ZPR1: variants seen among roughly 807,000 people sequenced by gnomAD.
ZPR1 encodes ZPR1 zinc finger, also known as zinc finger protein ZPR1.
In ZPR1, 37 loss-of-function variants were observed where a neutral mutation model predicts 59.6. The ratio of observed to expected loss-of-function variants is 0.62; its 90% CI spans 0.48 to 0.82. ZPR1 has a LOEUF of 0.82. Ranked by LOEUF, ZPR1 falls within the 40% of genes least tolerant of loss-of-function variation. ZPR1 has a pLI of 0.00. For missense variants in ZPR1, 527 were observed against 579.9 expected, an observed-to-expected ratio of 0.91 and a Z score of 0.94; for synonymous variants, 191 against 215.2, an observed-to-expected ratio of 0.89 and a Z score of 0.99.
chr11:116,779,109 C>A, intron 13 of ZPR1, 50 bp from the exon 14 acceptor site: 1 of 1,598,066 alleles, frequency 6.3e-7, no homozygotes, highest in African/African-American at 1.3e-5. Context: ...CTCCCCCTCT[C>A]TGCAGGCAGC....
chr11:116,783,525 G>C lies in ZPR1; in HGVS notation c.981+5C>G. 1 of 1,612,312 alleles carries C rather than the reference G, an allele frequency of 6.2e-7. No homozygotes were observed. Among genetic ancestry groups the C allele is most frequent in the Non-Finnish European group, 8.5e-7 (1 of 1,178,358 alleles). ...CAACAGTGACTTTCCCAAGCAGACT[G>C]TTACCTTGAGGAGGTCTCTGGTCAT... On this transcript the variant is annotated splice_donor_5th_base_variant and intron_variant, in intron 10 of 13. Transcript: ENST00000227322.
chr11:116,787,910 G>A lies in ZPR1; in HGVS notation c.81C>T (p.Ala27=). 2.6e-6 allele frequency: 4 copies of A among 1,519,388 alleles called. No homozygotes were observed. The highest frequency in any genetic ancestry group is 2.6e-5 in the East Asian group (1 of 38,410). The allele number at this position is 1,519,388 out of a possible 1,614,324, so 94.1% of individuals were successfully genotyped here. A position where few individuals can be genotyped will look rare whatever the true frequency, so the allele number is the denominator to read the frequency against. ...TGATGGGCCGGAACAGGTGATCAGGGGCAGGCGGCGGGGCCGGGGCGGGCG... is the reference window on the plus strand; with the variant it reads ...TGATGGGCCGGAACAGGTGATCAGGAGCAGGCGGCGGGGCCGGGGCGGGCG... ...APSPAPAPPP[A]PDHLFRPISA... is the part of the protein sequence containing the mutation. Residue 27 remains alanine (A), a synonymous_variant, in exon 1 of 14, where the codon GCC becomes GCT. Coordinates refer to ENST00000227322, the MANE Select transcript of ZPR1 (RefSeq NM_003904.5).
Position 116,778,914 on chromosome 11 carries a change from GCCACCCA to G in ZPR1, c.*4_*10del. ...AGCAGCGCTGGAGGCTGGCCCTTGA[GCCACCCA>G]CTGCTACCGTTGCGGAGCCAGGCCT... is the stretch of plus-strand genomic sequence containing the variant. On this transcript the variant is annotated 3_prime_UTR_variant, in exon 14 of 14. Coordinates refer to ENST00000227322, the MANE Select transcript of ZPR1 (RefSeq NM_003904.5). 6.2e-7 allele frequency: 1 copy of G among 1,613,108 alleles called. No homozygotes were observed. The highest frequency in any genetic ancestry group is 1.1e-5 in the South Asian group (1 of 91,034).
In ZPR1 at chr11:116,782,601, T is replaced by C. The variant is rs76252970; in HGVS notation, c.1092+318A>G. On this transcript the variant is annotated intron_variant, in intron 11 of 13. Transcript: ENST00000227322. ...TAAACATTTGGGCTAAGTCAACCCA[T>C]ACATGTATGTTTTTTATGTTGGGAA... 2.7e-4 allele frequency among the ~76,000 whole-genome samples: 41 copies of C among 152,336 alleles called. No homozygotes were observed. In the East Asian group the frequency reaches 7.3e-3, roughly 27 times the overall value.
intron 13 of ZPR1, 111 bp downstream of exon 13, chr11:116,779,661 T>C (rs1940774610): frequency 2.5e-6 from 2 of 791,004 alleles, no homozygotes; most frequent in African/African-American, 3.5e-5. Flanking sequence ...GCCTCCTTGG[T>C]AAAAAGCAGT....
intron 8 of ZPR1, 72 bp from the exon 9 acceptor site, chr11:116,784,520 C>T (rs1216132700): frequency 1.4e-6 from 2 of 1,399,374 alleles, no homozygotes; most frequent in Non-Finnish European, 2.0e-6. Context: ...CAAAGCCAAA[C>T]CCCACACAAA....
chr11:116,776,648 A>C lies in ZPR1; in HGVS notation c.*2277T>G, dbSNP rs1176693551. The C allele has an allele frequency of 2.6e-5, 4 of 152,242 alleles. No homozygotes were observed. Among genetic ancestry groups the C allele is most frequent in the African/African-American group, 9.6e-5 (4 of 41,462 alleles). 9.4% of individuals were successfully genotyped at this position (152,242 alleles called of 1,614,324 possible). A position where few individuals can be genotyped will look rare whatever the true frequency, so the allele number is the denominator to read the frequency against. ...CCTCAGTCTTCAAGTTCAGAAACTC[A>C]GGTCATCATTTCCTAGGAACTGGGT... On this transcript the variant is annotated 3_prime_UTR_variant, in exon 14 of 14. Coordinates refer to ENST00000227322, the MANE Select transcript of ZPR1 (RefSeq NM_003904.5).
intron 6 of ZPR1, 141 bp downstream of exon 6, chr11:116,785,373 G>T: frequency 1.5e-6 from 2 of 1,314,848 alleles, no homozygotes; most frequent in Non-Finnish European, 2.1e-6. Context: ...CCAAGTCCTG[G>T]ACATAAGCAA....
In ZPR1 at chr11:116,783,416, A is replaced by G. The variant is rs1188084144; in HGVS notation, c.981+114T>C. ...GCTCAGGGGTCCTCAAAGCCAGGGA[A>G]GTAGGAGATACCTCATGTCCCTGAA... On this transcript the variant is annotated intron_variant, in intron 10 of 13. Transcript: ENST00000227322. The G allele has an allele frequency of 4.6e-6, 4 of 876,044 alleles. No individual in the cohort carries two copies. In the African/African-American group the frequency reaches 6.6e-5, roughly 15 times the overall value. The allele number at this position is 876,044 out of a possible 1,614,324, so 54.3% of individuals were successfully genotyped here.
At chr11:116,787,681 GA>G (rs755719898) in intron 1 of ZPR1, 38 bp from the exon 2 acceptor site, 2 of 1,594,490 alleles carry the variant, frequency 1.3e-6, no homozygotes, top group African/African-American at 2.7e-5. Context: ...AAAAATCAAT[GA>G]AACTCCCTTT....
In ZPR1 at chr11:116,778,677, T is replaced by C; in HGVS notation, c.*248A>G. 1 of 463,772 alleles carries C rather than the reference T, an allele frequency of 2.2e-6. No individual in the cohort carries two copies. The highest frequency in any genetic ancestry group is 3.6e-5 in the South Asian group (1 of 27,418). 28.7% of individuals were successfully genotyped at this position (463,772 alleles called of 1,614,324 possible). A position where few individuals can be genotyped will look rare whatever the true frequency, so the allele number is the denominator to read the frequency against. On this transcript the variant is annotated 3_prime_UTR_variant, in exon 14 of 14. Coordinates refer to ENST00000227322, the MANE Select transcript of ZPR1 (RefSeq NM_003904.5). The stretch of plus-strand genomic sequence containing the variant: ...GAAAAAAGTGATGACATACCCCTGG[T>C]TCATTTCTGGGTTTCCTCCTAGGCC...
intron 11 of ZPR1, 37 bp from the exon 12 acceptor site, chr11:116,782,281 G>T (rs1215080159): frequency 5.1e-6 from 8 of 1,575,144 alleles, no homozygotes; most frequent in Non-Finnish European, 7.0e-6. Context: ...GTGAATACTG[G>T]CTTTATATTT....
In ZPR1 at chr11:116,777,961, C is replaced by T. The variant is rs1940746429; in HGVS notation, c.*964G>A. On this transcript the variant is annotated 3_prime_UTR_variant, in exon 14 of 14. Coordinates refer to ENST00000227322, the MANE Select transcript of ZPR1 (RefSeq NM_003904.5). ...AGAGTAGGGCTAACTGATCAGGTAC[C>T]CCCACTGGCTCTAACCTCACAGCTC... is the stretch of plus-strand genomic sequence containing the variant. 1.3e-5 allele frequency: 2 copies of T among 152,144 alleles called. No individual in the cohort carries two copies. The highest frequency in any genetic ancestry group is 1.3e-4 in the Admixed American group (2 of 15,280). 9.4% of individuals were successfully genotyped at this position (152,144 alleles called of 1,614,324 possible).
chr11:116,785,732 T>C, intron 5 of ZPR1, 64 bp downstream of exon 5: 3 of 1,612,454 alleles, frequency 1.9e-6, no homozygotes, highest in Admixed American at 1.7e-5. Context: ...CAGTGGAAAA[T>C]CCCAGCAGTC....
At chr11:116,786,653 G>A in intron 3 of ZPR1, 72 bp from the exon 4 acceptor site, 1 of 1,333,714 alleles carries the variant, frequency 7.5e-7, no homozygotes, top group Non-Finnish European at 1.1e-6. Context: ...ATGACCCTGG[G>A]CAATTCACTT....
Position 116,778,911 on chromosome 11 carries a change from T to C in ZPR1, c.*14A>G. ...AAGAGCAGCGCTGGAGGCTGGCCCT[T>C]GAGCCACCCACTGCTACCGTTGCGG... On this transcript the variant is annotated 3_prime_UTR_variant, in exon 14 of 14. Coordinates refer to ENST00000227322, the MANE Select transcript of ZPR1 (RefSeq NM_003904.5). 1 of 1,612,910 alleles carries C rather than the reference T, an allele frequency of 6.2e-7. No individual in the cohort carries two copies. Among genetic ancestry groups the C allele is most frequent in the Middle Eastern group, 1.8e-4 (1 of 5,542 alleles).
Position 116,779,828 on chromosome 11 carries a change from C to T in ZPR1, c.1189G>A (p.Gly397Ser). ...ATAATAAAGTGGGCCTTCATGTTAC[C>T]TTCGATGATCTAAAGGAGAGAGAGA... is the stretch of plus-strand genomic sequence containing the variant. ...FSQKMDQIIEGNMKAHFIMDD... is the reference protein window; with the variant it reads ...FSQKMDQIIESNMKAHFIMDD... Residue 397 changes from glycine to serine, a missense_variant, in exon 13 of 14, where the codon GGT (glycine) becomes AGT (serine). Physicochemically the swap from Gly to Ser is moderately conservative, Grantham distance 56 (BLOSUM62 0). Transcript: ENST00000227322. 6.4e-7 allele frequency: 1 copy of T among 1,562,654 alleles called. No individual in the cohort carries two copies. Among genetic ancestry groups the T allele is most frequent in the South Asian group, 1.1e-5 (1 of 87,964 alleles).
In ZPR1 at chr11:116,785,514, T is replaced by C. The variant is rs760705431; in HGVS notation, c.705A>G (p.Gln235=). 3.7e-6 allele frequency: 6 copies of C among 1,613,792 alleles called. No homozygotes were observed. The highest frequency in any genetic ancestry group is 5.1e-6 in the Non-Finnish European group (6 of 1,179,974). Residue 235 remains glutamine, a splice_region_variant and synonymous_variant, in exon 6 of 14, where the codon CAA becomes CAG. Coordinates refer to ENST00000227322, the MANE Select transcript of ZPR1 (RefSeq NM_003904.5). ...CTTCTGGATCCTTCAGTCCACTTAC[T>C]TGAAGCCCCAGCATCTCTTCCTGCT... ...TRQQEEMLGL[Q]EEAPAEKPEE...
intron 9 of ZPR1, 88 bp from the exon 10 acceptor site, chr11:116,783,707 A>G (rs987178828): frequency 9.4e-7 from 1 of 1,069,374 alleles, no homozygotes. Context: ...TTGGACATCC[A>G]ATCAGTTAGG....
Sources: gnomAD v4.1 joint callset for allele counts (sites outside exome capture counted in the v4.1 genomes callset) on GRCh38, gnomAD v4.1.1 for gene constraint, MANE v1.5 for transcripts, NCBI Gene and HGNC (gene_info 2026-07-23, HGNC 2026-07-21) for gene names.